The following SREBF2 variants were observed in gnomAD, a reference collection of about 807,000 sequenced individuals.
The protein encoded by SREBF2 is sterol regulatory element-binding protein 2.
Under a neutral mutation model 113.1 loss-of-function variants are expected in SREBF2, and 55 were observed. The ratio of observed to expected loss-of-function variants is 0.49; its 90% CI spans 0.39 to 0.61. The LOEUF is 0.61. SREBF2 is among the 20% of genes least tolerant of loss of function. SREBF2 has a pLI of 0.00. For synonymous variants in SREBF2, 593 were observed against 605.7 expected (o/e 0.98, Z 0.31); for missense variants, 1,349 against 1,487.4 (o/e 0.91, Z 1.53).
chr22:41,865,540 T>C (rs942587267), intron 1 of SREBF2, among the ~76,000 whole-genome samples: 4 of 152,054 alleles, frequency 2.6e-5, no homozygotes, highest in Middle Eastern at 3.2e-3. Flanking sequence ...TTTGGGAAGA[T>C]TGACCAGGGA....
Position 41,906,021 on chromosome 22 carries a change from T to G in SREBF2, c.*361T>G. ...TTTGCTTCCTCAGTTTTTATCAGGC[T>G]TTCTCTGGGGGACAGCAGTCTCTGA... On this transcript the variant is annotated 3_prime_UTR_variant, in exon 19 of 19. Coordinates refer to ENST00000361204, the MANE Select transcript of SREBF2 (RefSeq NM_004599.4). 4.1e-6 allele frequency: 2 copies of G among 492,378 alleles called. No homozygotes were observed. Among genetic ancestry groups the G allele is most frequent in the Non-Finnish European group, 8.0e-6 (2 of 251,344 alleles). 30.5% of individuals were successfully genotyped at this position (492,378 alleles called of 1,614,324 possible). A position where few individuals can be genotyped will look rare whatever the true frequency, so the allele number is the denominator to read the frequency against.
Position 41,903,179 on chromosome 22 carries a change from G to A in SREBF2, c.3093+24G>A, listed in dbSNP as rs201461921. On this transcript the variant is annotated intron_variant, in intron 17 of 18. Transcript: ENST00000361204. ...AGGTGAGGCCCAGCTGGCTGGTGGG[G>A]CAGGGCAGATTGGAGCCTGTGGGGC... 1.8e-4 allele frequency: 278 copies of A among 1,546,568 alleles called. No homozygotes were observed. In the African/African-American group the frequency reaches 3.4e-3, roughly 19 times the overall value.
intron 1 of SREBF2, among the ~76,000 whole-genome samples, chr22:41,840,254 G>C (rs1240876884): frequency 6.6e-6 from 1 of 152,040 alleles, no homozygotes; most frequent in South Asian, 2.1e-4. Flanking sequence ...CACCGCGCCC[G>C]GCCCACATGC....
intron 18 of SREBF2, among the ~76,000 whole-genome samples, 171 bp downstream of exon 18, chr22:41,905,145 G>A (rs1040846080): frequency 6.6e-6 from 1 of 152,246 alleles, no homozygotes; most frequent in African/African-American, 2.4e-5. Flanking sequence ...GCAGGGGTTG[G>A]GGTGGTCATG....
At position 41,878,056 on chromosome 22, in the gene SREBF2, G is replaced by A. The variant is rs1397174686; in HGVS notation, c.1694G>A (p.Arg565Gln). ...KLLVHGEPVI[R>Q]PHSRSSVTFW... The stretch of plus-strand genomic sequence containing the variant: ...CTGGTTCATGGGGAGCCAGTGATCC[G>A]GCCACACTCGCGCTCCTCGGTCACC... The change falls in exon 9 of 19, where the codon CGG (arginine) becomes CAG (glutamine). Residue 565 changes from arginine to glutamine, a missense_variant. Physicochemically the swap from Arg to Gln is conservative, Grantham distance 43. This residue lies in a region of SREBF2 where 699 missense variants were observed against 843.3 expected (regional missense o/e 0.83). Coordinates refer to ENST00000361204, the MANE Select transcript of SREBF2 (RefSeq NM_004599.4). 15 of 1,614,130 alleles carry A rather than the reference G, an allele frequency of 9.3e-6. 1 individual carries two copies. The highest frequency in any genetic ancestry group is 6.7e-5 in the East Asian group (3 of 44,890).
At chr22:41,899,069 A>G (rs2077441620) in intron 15 of SREBF2, 4 of 615,818 alleles carry the variant, frequency 6.5e-6, no homozygotes. Context: ...ACAGGCTGAA[A>G]AGAAGAGACG....
At position 41,905,605 on chromosome 22, in the gene SREBF2, A is replaced by T. The variant is rs757576204; in HGVS notation, c.3371A>T (p.Asp1124Val). 1 of 1,600,248 alleles carries T rather than the reference A, an allele frequency of 6.2e-7. No homozygotes were observed. Among genetic ancestry groups the T allele is most frequent in the Non-Finnish European group, 8.5e-7 (1 of 1,174,416 alleles). Residue 1124 changes from aspartate to valine, a missense_variant, in exon 19 of 19, where the codon GAC (aspartate) becomes GTC (valine). Physicochemically the swap from Asp to Val is radical, Grantham distance 152. Transcript: ENST00000361204. Reference sequence around the variant, plus strand: ...GTGGGCGACCGGCGCTCCTGCAACGACTGCCAGCAGATGATTGTTAAGCTG... The same window carrying T: ...GTGGGCGACCGGCGCTCCTGCAACGTCTGCCAGCAGATGATTGTTAAGCTG... ...EKVGDRRSCN[D>V]CQQMIVKLGG...
chr22:41,888,736 A>G (rs186994551), intron 11 of SREBF2, among the ~76,000 whole-genome samples: 118 of 152,328 alleles, frequency 7.7e-4, no homozygotes, highest in Non-Finnish European at 1.4e-3. Flanking sequence ...CCTCAGACCA[A>G]ATCTGTAGAG....
At chr22:41,859,374 C>G (rs1007782909) in intron 1 of SREBF2, among the ~76,000 whole-genome samples, 9 of 152,160 alleles carry the variant, frequency 5.9e-5, no homozygotes, top group Non-Finnish European at 1.2e-4. Flanking sequence ...ATAACACATG[C>G]AGTGACCTGA....
chr22:41,858,523 G>C (rs975851210), intron 1 of SREBF2, among the ~76,000 whole-genome samples: 1 of 151,574 alleles, frequency 6.6e-6, no homozygotes, highest in Non-Finnish European at 1.5e-5. Flanking sequence ...TGGGAGGATC[G>C]CATGAGGCAG....
At chr22:41,893,563 A>G (rs929164972) in intron 12 of SREBF2, among the ~76,000 whole-genome samples, 1 of 152,176 alleles carries the variant, frequency 6.6e-6, no homozygotes, top group Non-Finnish European at 1.5e-5. Flanking sequence ...TCACACAGCA[A>G]TAAATTGTGA....
rs1187485854 is a variant in SREBF2, at chr22:41,866,965, A to G, written c.223A>G (p.Asn75Asp). 3.7e-6 allele frequency: 6 copies of G among 1,613,892 alleles called. No individual in the cohort carries two copies. The highest frequency in any genetic ancestry group is 5.1e-6 in the Non-Finnish European group (6 of 1,179,944). The stretch of plus-strand genomic sequence containing the variant: ...CAGTGGCAGCAGCAGCAGCAGCAGC[A>G]ATGGCAGGGGCAGCAGCAGCGGAGC... ...GSSGSSSSSS[N>D]GRGSSSGAVD... is the part of the protein sequence containing the mutation. Residue 75 changes from asparagine (N) to aspartate (D), a missense_variant, in exon 2 of 19, where the codon AAT (asparagine) becomes GAT (aspartate). By Grantham distance (23) the Asn-to-Asp change is conservative. This residue lies in a region of SREBF2 where 699 missense variants were observed against 843.3 expected (regional missense o/e 0.83). Transcript: ENST00000361204.
Position 41,905,773 on chromosome 22 carries a change from C to T in SREBF2, c.*113C>T, listed in dbSNP as rs938691390. The T allele has an allele frequency of 5.2e-5, 66 of 1,268,388 alleles. No individual in the cohort carries two copies. The highest frequency in any genetic ancestry group is 6.4e-5 in the Non-Finnish European group (57 of 891,364). The allele number at this position is 1,268,388 out of a possible 1,614,324, so 78.6% of individuals were successfully genotyped here. On this transcript the variant is annotated 3_prime_UTR_variant, in exon 19 of 19. Coordinates refer to ENST00000361204, the MANE Select transcript of SREBF2 (RefSeq NM_004599.4). ...CCTTGTCTTCTTAGCTGTCACCTGC[C>T]GAGGCTTCTGGGCCACTCAGGCCAG... is the stretch of plus-strand genomic sequence containing the variant.
At chr22:41,840,020 C>T (rs536051070) in intron 1 of SREBF2, among the ~76,000 whole-genome samples, 8 of 140,036 alleles carry the variant, frequency 5.7e-5, no homozygotes, top group Admixed American at 1.5e-4. Context: ...AGTGCAGTGG[C>T]GCGGTCTCAG....
At chr22:41,878,613 T>G in intron 9 of SREBF2, 1 of 1,235,276 alleles carries the variant, frequency 8.1e-7, no homozygotes, top group Non-Finnish European at 1.1e-6. Context: ...CAGGAAAGGT[T>G]TTTGAGCAGG....
At chr22:41,864,222 G>A (rs1411920379) in intron 1 of SREBF2, among the ~76,000 whole-genome samples, 6 of 20,718 alleles carry the variant, frequency 2.9e-4, no homozygotes, top group South Asian at 5.3e-3. Context: ...CCTTCTGCAA[G>A]CATATATATA....
rs770925139 is a variant in SREBF2 at position 41,898,677 on chromosome 22, G to A, written c.2634G>A (p.Thr878=). The A allele has an allele frequency of 1.5e-5, 25 of 1,613,946 alleles. No individual in the cohort carries two copies. The highest frequency in any genetic ancestry group is 2.2e-5 in the South Asian group (2 of 91,072). Residue 878 remains threonine (T), a synonymous_variant, in exon 15 of 19, where the codon ACG becomes ACA. Coordinates refer to ENST00000361204, the MANE Select transcript of SREBF2 (RefSeq NM_004599.4). ...LGPDIICRWW[T]SAITVAISWL... ...CAGACATCATCTGTCGGTGGTGGAC[G>A]TCTGCAATCACTGTGGCCATCAGCT...
chr22:41,863,125 A>G (rs529232785), intron 1 of SREBF2, among the ~76,000 whole-genome samples: 16 of 152,336 alleles, frequency 1.1e-4, no homozygotes, highest in African/African-American at 3.6e-4. Context: ...TCTACCCTTC[A>G]CCAAGCACTT....
chr22:41,886,387 A>T (rs1404659302), intron 11 of SREBF2: 1 of 152,190 alleles, frequency 6.6e-6, no homozygotes, highest in East Asian at 1.9e-4. Context: ...AGCAGGAGGC[A>T]TTGATGAGAT....
Sources: allele counts gnomAD v4.1 joint callset (sites outside exome capture counted in the v4.1 genomes callset), GRCh38; gene constraint gnomAD v4.1.1; regional missense constraint gnomAD v4.1.1; transcripts MANE v1.5; gene names NCBI Gene and HGNC (gene_info 2026-07-23, HGNC 2026-07-21).